MYO5B: variants seen among roughly 807,000 people sequenced by gnomAD.
MYO5B encodes the protein unconventional myosin-Vb.
MYO5B carries 143 observed loss-of-function variants against 229.3 expected under a neutral mutation model. The ratio of observed to expected loss-of-function variants is 0.62; its 90% CI spans 0.54 to 0.72. The LOEUF is 0.72. Among genes scored for constraint, MYO5B ranks in the 30% least tolerant of loss-of-function variants. MYO5B has a pLI of 0.00. For synonymous variants in MYO5B, 918 were observed against 885.2 expected, an observed-to-expected ratio of 1.04 and a Z score of -0.66; for missense variants, 2,321 against 2,331.0, an observed-to-expected ratio of 1.00 and a Z score of 0.09.
intron 18 of MYO5B, among the ~76,000 whole-genome samples, chr18:49,911,412 T>C (rs1375323638): frequency 6.6e-6 from 1 of 152,240 alleles, no homozygotes; most frequent in Non-Finnish European, 1.5e-5. Flanking sequence ...CAGATCTGGC[T>C]GAAGGTGGCC....
intron 30 of MYO5B, among the ~76,000 whole-genome samples, chr18:49,854,201 T>C (rs1181337155): frequency 3.9e-5 from 6 of 152,260 alleles, no homozygotes; most frequent in African/African-American, 9.6e-5. Context: ...CATACAATTA[T>C]TGCATATACA....
intron 14 of MYO5B, among the ~76,000 whole-genome samples, chr18:49,948,401 T>C (rs1470709926): frequency 7.7e-6 from 1 of 129,658 alleles, no homozygotes; most frequent in Non-Finnish European, 1.8e-5. Flanking sequence ...GTCTCAGTAC[T>C]TCATTTTTTT....
At position 49,823,331 on chromosome 18, in the gene MYO5B, G is replaced by C. The variant is rs1188286789; in HGVS notation, c.*3140C>G. On this transcript the variant is annotated 3_prime_UTR_variant, in exon 40 of 40. Coordinates refer to ENST00000285039, the MANE Select transcript of MYO5B (RefSeq NM_001080467.3). The stretch of plus-strand genomic sequence containing the variant: ...AAACTGACCACAAATATTCTGTGAA[G>C]AACTACAAGGTCTTGCCCCATGCTG... 6.6e-6 allele frequency: 1 copy of C among 152,250 alleles called. No individual in the cohort carries two copies. The highest frequency in any genetic ancestry group is 2.4e-5 in the African/African-American group (1 of 41,474). 9.4% of individuals were successfully genotyped at this position (152,250 alleles called of 1,614,324 possible). A position where few individuals can be genotyped will look rare whatever the true frequency, so the allele number is the denominator to read the frequency against.
intron 9 of MYO5B, 83 bp from the exon 10 acceptor site, chr18:49,974,698 GA>G (rs1362030446): frequency 6.5e-7 from 1 of 1,529,058 alleles, no homozygotes; most frequent in Admixed American, 1.7e-5. Context: ...CTCCTGCCCA[GA>G]GGGAAAACAA....
intron 25 of MYO5B, among the ~76,000 whole-genome samples, chr18:49,877,094 T>C (rs2024532489): frequency 6.6e-6 from 1 of 152,208 alleles, no homozygotes. Context: ...TCCATGTTAT[T>C]TCCACATACT....
chr18:49,924,915 C>G (rs2025112619), intron 17 of MYO5B, among the ~76,000 whole-genome samples: 2 of 152,160 alleles, frequency 1.3e-5, no homozygotes, highest in Admixed American at 1.3e-4. Context: ...CCATTTTCCA[C>G]CCCAAGTTAT....
intron 1 of MYO5B, among the ~76,000 whole-genome samples, chr18:50,079,843 C>T (rs2144467208): frequency 6.6e-6 from 1 of 152,308 alleles, no homozygotes; most frequent in Admixed American, 6.5e-5. Flanking sequence ...CCTGCCTGCC[C>T]TCCTTAATTC....
intron 1 of MYO5B, among the ~76,000 whole-genome samples, chr18:50,122,626 AG>A (rs150715257): frequency 0.023 from 206 of 9,064 alleles, 15 homozygotes; most frequent in African/African-American, 0.11. Flanking sequence ...GAGGGAGGGA[AG>A]GGGGGGGGAG....
In MYO5B at chr18:50,040,136, C is replaced by T. The variant is rs370144130; in HGVS notation, c.310+7G>A. 4 of 1,613,998 alleles carry T rather than the reference C, an allele frequency of 2.5e-6. No individual in the cohort carries two copies. The highest frequency in any genetic ancestry group is 3.4e-6 in the Non-Finnish European group (4 of 1,179,994). On this transcript the variant is annotated splice_region_variant and intron_variant, in intron 3 of 39. Transcript: ENST00000285039. ...ACGCATGCAGCCAACAGATGCCCCC[C>T]ACTTACCACAGTAAGTGTAGATATG...
intron 4 of MYO5B, among the ~76,000 whole-genome samples, chr18:50,020,367 C>G (rs2026260937): frequency 6.6e-6 from 1 of 152,236 alleles, no homozygotes; most frequent in African/African-American, 2.4e-5. Context: ...ACCACATGCA[C>G]CAACCTTCCT....
rs556912662 is a variant in MYO5B, at chr18:50,106,255, A to C, written c.28-50877T>G. On this transcript the variant is annotated intron_variant, in intron 1 of 39. Transcript: ENST00000285039. Reference sequence around the variant, plus strand: ...CCCTGTCCAGGTCTCACCTTTTCTCACTAGGGTAAAACCCTGACCTTTGGT... The same window carrying C: ...CCCTGTCCAGGTCTCACCTTTTCTCCCTAGGGTAAAACCCTGACCTTTGGT... Among the ~76,000 whole-genome samples the C allele has an allele frequency of 2.6e-5, 4 of 152,238 alleles. No homozygotes were observed. In the East Asian group the frequency reaches 7.7e-4, roughly 29 times the overall value.
chr18:50,124,623 A>AG (rs2032127162), intron 1 of MYO5B, among the ~76,000 whole-genome samples: 1 of 152,206 alleles, frequency 6.6e-6, no homozygotes, highest in African/African-American at 2.4e-5. Flanking sequence ...AGACATGTAT[A>AG]GCCTGCATAG....
At chr18:50,109,621 T>A (rs775466024) in intron 1 of MYO5B, among the ~76,000 whole-genome samples, 1 of 151,838 alleles carries the variant, frequency 6.6e-6, no homozygotes, top group Non-Finnish European at 1.5e-5. Flanking sequence ...AGAGACAGGG[T>A]CTCACCGCAT....
rs755603856 is a variant in MYO5B, at chr18:50,018,993, T to TA, written c.456-17583dup. Among the ~76,000 whole-genome samples the TA allele has an allele frequency of 5.3e-5, 8 of 152,298 alleles. No individual in the cohort carries two copies. In the East Asian group the frequency reaches 7.7e-4, roughly 15 times the overall value. The stretch of plus-strand genomic sequence containing the variant: ...TCCCCAGTCTACATGATTGCCCACT[T>TA]ACATTATTGGACTTCACTTTTTGAA... On this transcript the variant is annotated intron_variant, in intron 4 of 39. Coordinates refer to ENST00000285039, the MANE Select transcript of MYO5B (RefSeq NM_001080467.3).
At chr18:50,147,415 C>T (rs533049810) in intron 1 of MYO5B, among the ~76,000 whole-genome samples, 3 of 152,272 alleles carry the variant, frequency 2.0e-5, no homozygotes, top group South Asian at 4.1e-4. Flanking sequence ...GATTAGCACC[C>T]CTTCTTCCAG....
intron 16 of MYO5B, among the ~76,000 whole-genome samples, chr18:49,931,631 G>T (rs11663056): frequency 0.082 from 12,535 of 152,114 alleles, 596 homozygotes; most frequent in East Asian, 0.24. Flanking sequence ...GTGGTTGCTC[G>T]GCCACAAGAG....
chr18:50,134,448 G>A (rs905538810), intron 1 of MYO5B, among the ~76,000 whole-genome samples: 51 of 151,800 alleles, frequency 3.4e-4, no homozygotes, highest in African/African-American at 9.7e-4. Flanking sequence ...CCAGCTACTC[G>A]GGAGGCTGAG....
At chr18:49,836,091 TG>T (rs2144029733) in intron 38 of MYO5B, among the ~76,000 whole-genome samples, 1 of 152,340 alleles carries the variant, frequency 6.6e-6, no homozygotes, top group African/African-American at 2.4e-5. Flanking sequence ...GTGTTCACTT[TG>T]CTATATTAAG....
chr18:49,841,999 G>A (rs2144039083), intron 34 of MYO5B, among the ~76,000 whole-genome samples: 1 of 152,066 alleles, frequency 6.6e-6, no homozygotes, highest in East Asian at 1.9e-4. Flanking sequence ...CTATGAGACA[G>A]CTGCTGCATT....
Sources: gnomAD v4.1 joint callset for allele counts (sites outside exome capture counted in the v4.1 genomes callset) on GRCh38, gnomAD v4.1.1 for gene constraint, MANE v1.5 for transcripts, NCBI Gene and HGNC (gene_info 2026-07-23, HGNC 2026-07-21) for gene names.